The following UNC13C variants were observed in gnomAD, a reference collection of about 807,000 sequenced individuals.
The protein encoded by UNC13C is unc-13 homolog C.
Under a neutral mutation model 245.4 loss-of-function variants are expected in UNC13C, and 174 were observed. The observed-to-expected ratio is 0.71, with a 90% CI of 0.63 to 0.80. The LOEUF (loss-of-function observed/expected upper bound fraction) is 0.80, where lower values mean the gene tolerates loss of function less well. Among genes scored for constraint, UNC13C ranks in the 30% least tolerant of loss-of-function variants. The pLI is 0.00. For missense variants in UNC13C, 2,829 were observed against 2,602.9 expected, an observed-to-expected ratio of 1.09 and a Z score of -1.89; for synonymous variants, 992 against 895.1, an observed-to-expected ratio of 1.11 and a Z score of -1.93.
intron 4 of UNC13C, among the ~76,000 whole-genome samples, chr15:54,210,993 C>A (rs922223700): frequency 6.6e-6 from 1 of 152,064 alleles, no homozygotes. Flanking sequence ...AAAAGGCAGT[C>A]AGAGCCTCTA....
intron 1 of UNC13C, among the ~76,000 whole-genome samples, chr15:54,000,321 A>G (rs1894827945): frequency 1.3e-5 from 2 of 152,094 alleles, no homozygotes; most frequent in African/African-American, 4.8e-5. Flanking sequence ...AACCTCTCCA[A>G]ACTTTGATCT....
intron 2 of UNC13C, among the ~76,000 whole-genome samples, chr15:54,066,620 AT>A (rs1355016133): frequency 6.6e-6 from 1 of 152,148 alleles, no homozygotes; most frequent in African/African-American, 2.4e-5. Flanking sequence ...CTGAAGTGAG[AT>A]TTGTGAGCCT....
chr15:54,536,363 C>T (rs1460712223), intron 26 of UNC13C, among the ~76,000 whole-genome samples: 1 of 151,798 alleles, frequency 6.6e-6, no homozygotes, highest in Non-Finnish European at 1.5e-5. Context: ...CCAGAAAAGG[C>T]CCTGGAGCAG....
At chr15:54,564,023 C>T (rs753992864) in intron 29 of UNC13C, among the ~76,000 whole-genome samples, 48 of 151,978 alleles carry the variant, frequency 3.2e-4, no homozygotes, top group Admixed American at 1.6e-3. Context: ...GTAGAATTCT[C>T]GTCAAGTTTG....
the UNC13C span, among the ~76,000 whole-genome samples, chr15:53,941,115 C>A: frequency 6.6e-6 from 1 of 152,088 alleles, no homozygotes; most frequent in African/African-American, 2.4e-5. Context: ...ACACATAGAC[C>A]AATGGGACTG....
At chr15:53,841,151 C>G in the UNC13C span, among the ~76,000 whole-genome samples, 2 of 151,948 alleles carry the variant, frequency 1.3e-5, no homozygotes, top group African/African-American at 4.8e-5. Context: ...TTTCCAAGAA[C>G]CTTAGAAAAT....
chr15:54,356,983 C>A (rs896898225), intron 17 of UNC13C, among the ~76,000 whole-genome samples: 13 of 151,968 alleles, frequency 8.6e-5, no homozygotes, highest in Non-Finnish European at 4.4e-5. Flanking sequence ...AAGGAAATTG[C>A]ACTTTGTCTT....
rs2038668896 is a variant in UNC13C at position 54,339,272 on chromosome 15, AT to A, written c.4713+788del. 3.3e-5 allele frequency among the ~76,000 whole-genome samples: 5 copies of A among 152,136 alleles called. No homozygotes were observed. In the South Asian group the frequency reaches 1.0e-3, roughly 32 times the overall value. The stretch of plus-strand genomic sequence containing the variant: ...GTAATGGCTATTATTATTATTTTAA[AT>A]TTTTATTTCCATAGGTTTTTGGGGA... On this transcript the variant is annotated intron_variant, in intron 17 of 32. Coordinates refer to ENST00000260323, the MANE Select transcript of UNC13C (RefSeq NM_001080534.3).
chr15:54,593,945 C>T (rs7175154), intron 30 of UNC13C, among the ~76,000 whole-genome samples: 21,623 of 152,156 alleles, frequency 0.14, 1,607 homozygotes, highest in Middle Eastern at 0.23. Context: ...GGTTCCTTCT[C>T]ATTGGCATAG....
At position 54,015,890 on chromosome 15, in the gene UNC13C, T is replaced by C. The variant is rs1431706698; in HGVS notation, c.2983+4T>C. On this transcript the variant is annotated splice_donor_region_variant and intron_variant, in intron 2 of 32. Coordinates refer to ENST00000260323, the MANE Select transcript of UNC13C (RefSeq NM_001080534.3). The stretch of plus-strand genomic sequence containing the variant: ...GAAGAGAAGATCTTGGCTGGAGGTA[T>C]TCATGTTTAAATGCTACATTGTGAG... 6.4e-7 allele frequency: 1 copy of C among 1,564,294 alleles called. No individual in the cohort carries two copies. The highest frequency in any genetic ancestry group is 2.0e-5 in the Admixed American group (1 of 50,246).
intron 17 of UNC13C, among the ~76,000 whole-genome samples, chr15:54,354,008 C>T (rs2039040338): frequency 6.6e-6 from 1 of 152,144 alleles, no homozygotes; most frequent in Non-Finnish European, 1.5e-5. Flanking sequence ...CTGCCTGCTT[C>T]ATGTCAGCAA....
chr15:54,548,210 T>C (rs1896577517), intron 27 of UNC13C, among the ~76,000 whole-genome samples: 1 of 66,458 alleles, frequency 1.5e-5, no homozygotes, highest in Admixed American at 1.6e-4. Context: ...TTCTTTTGCT[T>C]TTTTTTTTTT....
chr15:53,886,414 C>G, the UNC13C span, among the ~76,000 whole-genome samples: 9 of 151,926 alleles, frequency 5.9e-5, no homozygotes, highest in African/African-American at 2.2e-4. Flanking sequence ...TTTCAATGGC[C>G]AAAGCTAGAA....
At chr15:54,484,756 G>T (rs936880526) in intron 19 of UNC13C, among the ~76,000 whole-genome samples, 1 of 152,032 alleles carries the variant, frequency 6.6e-6, no homozygotes, top group Non-Finnish European at 1.5e-5. Flanking sequence ...CCTACAGTTT[G>T]TTTTTGTATG....
chr15:54,111,670 G>T (rs1486694916), intron 2 of UNC13C, among the ~76,000 whole-genome samples: 1 of 152,116 alleles, frequency 6.6e-6, no homozygotes, highest in South Asian at 2.1e-4. Context: ...CTATACTCTG[G>T]TATAGTTCAT....
chr15:54,310,280 A>G (rs75369882), intron 13 of UNC13C, among the ~76,000 whole-genome samples: 1 of 151,892 alleles, frequency 6.6e-6, no homozygotes, highest in African/African-American at 2.4e-5. Flanking sequence ...AGCAAGAAAA[A>G]GTTTGCCTTG....
chr15:53,989,187 C>A lies in UNC13C; in HGVS notation c.-257+10260C>A, dbSNP rs144291372. Among the ~76,000 whole-genome samples the A allele has an allele frequency of 1.3e-4, 20 of 151,938 alleles. 1 individual carries two copies. The highest frequency in any genetic ancestry group is 4.1e-4 in the African/African-American group (17 of 41,456). On this transcript the variant is annotated intron_variant, in intron 1 of 32. Transcript: ENST00000260323. ...TATTTTTGAATTTGTTAAATAGATA[C>A]CTCCCTTCCAAATTGTGATCAAATA...
chr15:54,438,321 C>T (rs536350809), intron 19 of UNC13C, among the ~76,000 whole-genome samples: 5 of 151,948 alleles, frequency 3.3e-5, no homozygotes, highest in Admixed American at 6.6e-5. Flanking sequence ...AATATAAAGA[C>T]GCCCAACTGT....
chr15:54,137,995 T>G (rs2031822133), intron 2 of UNC13C, among the ~76,000 whole-genome samples: 1 of 152,166 alleles, frequency 6.6e-6, no homozygotes, highest in Admixed American at 6.5e-5. Context: ...CTACATCCTG[T>G]AAGTTTTGGT....
Sources: gnomAD v4.1 joint callset for allele counts (sites outside exome capture counted in the v4.1 genomes callset) on GRCh38, gnomAD v4.1.1 for gene constraint, MANE v1.5 for transcripts, NCBI Gene and HGNC (gene_info 2026-07-23, HGNC 2026-07-21) for gene names.